UVRAG: variants seen among roughly 807,000 people sequenced by gnomAD.
UVRAG encodes UV radiation resistance-associated gene protein.
A neutral mutation model predicts 78.0 loss-of-function variants in UVRAG; 19 were observed. That is an observed-to-expected ratio of 0.24 (90% confidence interval 0.17 to 0.36). The LOEUF (loss-of-function observed/expected upper bound fraction) is 0.36, where lower values mean the gene tolerates loss of function less well. UVRAG is among the 10% of genes least tolerant of loss of function. The probability of loss-of-function intolerance (pLI) is 1.00; values close to 1 mark genes in which losing one functional copy is unlikely to be tolerated. For missense variants in UVRAG, 740 were observed against 853.8 expected (o/e 0.87, Z 1.66); for synonymous variants, 323 against 324.6 (o/e 1.00, Z 0.05).
chr11:75,960,823 A>G lies in UVRAG; in HGVS notation c.594-621A>G, dbSNP rs920290055. On this transcript the variant is annotated intron_variant, in intron 6 of 14. Transcript: ENST00000356136. ...AAGAAGCAAAAACACAAAGAAAACC[A>G]TAATTTAAAAATAAAAATAGCTCTT... Among the ~76,000 whole-genome samples, 7 of 152,280 alleles carry G rather than the reference A, an allele frequency of 4.6e-5. No individual in the cohort carries two copies. In the South Asian group the frequency reaches 8.3e-4, roughly 18 times the overall value.
chr11:75,986,493 G>T (rs1424670139), intron 8 of UVRAG, among the ~76,000 whole-genome samples: 1 of 151,904 alleles, frequency 6.6e-6, no homozygotes, highest in Non-Finnish European at 1.5e-5. Flanking sequence ...TCTTGCTGTG[G>T]TTATTTATTT....
chr11:76,006,845 A>G (rs1949954518), intron 9 of UVRAG, among the ~76,000 whole-genome samples: 1 of 152,102 alleles, frequency 6.6e-6, no homozygotes, highest in Admixed American at 6.6e-5. Flanking sequence ...TCTTTCTTGA[A>G]ATCAAATTGG....
chr11:75,914,889 G>T (rs781183445), intron 6 of UVRAG, among the ~76,000 whole-genome samples: 1 of 152,040 alleles, frequency 6.6e-6, no homozygotes, highest in Non-Finnish European at 1.5e-5. Context: ...TTTTGTGTGG[G>T]AGTGTCACAG....
chr11:76,114,404 G>C (rs1157458500), intron 13 of UVRAG, among the ~76,000 whole-genome samples: 1 of 152,172 alleles, frequency 6.6e-6, no homozygotes, highest in East Asian at 1.9e-4. Context: ...AGACTTTGGG[G>C]TAGGTGGTAG....
intron 6 of UVRAG, among the ~76,000 whole-genome samples, chr11:75,934,051 C>G (rs1451901518): frequency 6.6e-6 from 1 of 152,114 alleles, no homozygotes; most frequent in East Asian, 1.9e-4. Context: ...TACCTGTACT[C>G]CCATGTTTAT....
chr11:76,075,042 C>G (rs970021159), intron 13 of UVRAG, among the ~76,000 whole-genome samples: 4 of 152,164 alleles, frequency 2.6e-5, no homozygotes, highest in African/African-American at 9.7e-5. Context: ...GGGATCAATG[C>G]CAGCTTCTAC....
At chr11:75,928,961 A>AAAAAAAAAAAAAAAAG (rs767893577) in intron 6 of UVRAG, among the ~76,000 whole-genome samples, 3 of 143,012 alleles carry the variant, frequency 2.1e-5, no homozygotes, top group African/African-American at 8.4e-5. Flanking sequence ...AAAAAAAAAA[A>AAAAAAAAAAAAAAAAG]AAAGAATTGA....
At chr11:76,038,341 G>A (rs1420055284) in intron 12 of UVRAG, among the ~76,000 whole-genome samples, 1 of 151,480 alleles carries the variant, frequency 6.6e-6, no homozygotes, top group African/African-American at 2.4e-5. Context: ...AAATTTCCTG[G>A]GGACATGGTT....
intron 1 of UVRAG, among the ~76,000 whole-genome samples, chr11:75,819,459 C>T (rs547575394): frequency 8.5e-4 from 130 of 152,140 alleles, no homozygotes; most frequent in African/African-American, 2.9e-3. Flanking sequence ...GCAATCCTCC[C>T]ACCTCAGCCT....
chr11:75,936,047 T>C (rs1948367781), intron 6 of UVRAG, among the ~76,000 whole-genome samples: 1 of 152,256 alleles, frequency 6.6e-6, no homozygotes, highest in African/African-American at 2.4e-5. Context: ...TTGTAATGTT[T>C]ATCAATTTTG....
At chr11:76,039,523 GA>G (rs1030688007) in intron 12 of UVRAG, among the ~76,000 whole-genome samples, 32 of 152,064 alleles carry the variant, frequency 2.1e-4, no homozygotes, top group African/African-American at 7.2e-4. Flanking sequence ...TGAAAAAAGG[GA>G]AAAAAAGCTT....
intron 6 of UVRAG, among the ~76,000 whole-genome samples, chr11:75,928,122 C>A (rs1260199198): frequency 6.6e-6 from 1 of 152,026 alleles, no homozygotes; most frequent in Non-Finnish European, 1.5e-5. Flanking sequence ...AAAAAAAATG[C>A]CTTTGGTGTG....
At chr11:75,829,304 C>G (rs1195925597) in intron 1 of UVRAG, among the ~76,000 whole-genome samples, 1 of 152,148 alleles carries the variant, frequency 6.6e-6, no homozygotes, top group Non-Finnish European at 1.5e-5. Flanking sequence ...TACCCAAAAA[C>G]TACTAAAAAA....
In UVRAG at chr11:76,006,784, A is replaced by G. The variant is rs529087930; in HGVS notation, c.912-750A>G. On this transcript the variant is annotated intron_variant, in intron 9 of 14. Transcript: ENST00000356136. ...TATTGGTTTTTGAGGTAATTATAAT[A>G]TGTAATTGTGAGTGAAATATAGAAT... 2.7e-5 allele frequency among the ~76,000 whole-genome samples: 4 copies of G among 150,740 alleles called. No individual in the cohort carries two copies. The South Asian group carries it at 8.4e-4, about 32-fold the overall frequency.
chr11:75,924,531 C>T (rs577635998), intron 6 of UVRAG, among the ~76,000 whole-genome samples: 30 of 151,874 alleles, frequency 2.0e-4, no homozygotes, highest in Middle Eastern at 3.4e-3. Flanking sequence ...GACTTACAGG[C>T]GCCCACCACC....
At chr11:76,112,578 A>C (rs1463628546) in intron 13 of UVRAG, among the ~76,000 whole-genome samples, 1 of 152,212 alleles carries the variant, frequency 6.6e-6, no homozygotes, top group Non-Finnish European at 1.5e-5. Flanking sequence ...ATAATGCAGC[A>C]GGCCTAGCTA....
intron 8 of UVRAG, among the ~76,000 whole-genome samples, chr11:75,985,583 C>T (rs1014048999): frequency 1.3e-5 from 2 of 152,080 alleles, no homozygotes; most frequent in East Asian, 3.9e-4. Flanking sequence ...CTTTTTGTGA[C>T]TACTTGGAGA....
chr11:75,853,249 G>A (rs1946198983), intron 2 of UVRAG, among the ~76,000 whole-genome samples: 1 of 142,338 alleles, frequency 7.0e-6, no homozygotes, highest in African/African-American at 3.0e-5. Flanking sequence ...AGCAGTGATT[G>A]TTTAACAACT....
At chr11:76,069,192 G>T (rs536195684) in intron 13 of UVRAG, among the ~76,000 whole-genome samples, 1 of 152,302 alleles carries the variant, frequency 6.6e-6, no homozygotes, top group Non-Finnish European at 1.5e-5. Context: ...GAAAGCACAA[G>T]CTTAGAGAGA....
Sources: gnomAD v4.1 joint callset for allele counts (sites outside exome capture counted in the v4.1 genomes callset) on GRCh38, gnomAD v4.1.1 for gene constraint, MANE v1.5 for transcripts, NCBI Gene and HGNC (gene_info 2026-07-23, HGNC 2026-07-21) for gene names.